Variants in TBCA observed in about 807,000 individuals in gnomAD.
TBCA encodes the protein tubulin-specific chaperone A.
In TBCA, 6 loss-of-function variants were observed where a neutral mutation model predicts 15.8. That is an observed-to-expected ratio of 0.38 (90% confidence interval 0.21 to 0.75). The LOEUF (loss-of-function observed/expected upper bound fraction) is 0.75. TBCA is among the 30% of genes least tolerant of loss of function. TBCA has a pLI of 0.46. For missense variants in TBCA, 90 were observed against 131.2 expected, an observed-to-expected ratio of 0.69 and a Z score of 1.53; for synonymous variants, 32 against 42.3, an observed-to-expected ratio of 0.76 and a Z score of 0.94.
intron 1 of TBCA, among the ~76,000 whole-genome samples, chr5:77,750,385 T>C (rs1276591917): frequency 6.6e-6 from 1 of 152,142 alleles, no homozygotes. Context: ...AGATTTCTTT[T>C]TGTGCCAGGG....
intron 1 of TBCA, among the ~76,000 whole-genome samples, chr5:77,717,527 T>A (rs1477984189): frequency 1.3e-5 from 2 of 152,352 alleles, no homozygotes; most frequent in African/African-American, 2.4e-5. Context: ...CTTAAAACAG[T>A]GTAAACTTGT....
intron 1 of TBCA, among the ~76,000 whole-genome samples, chr5:77,711,382 G>A (rs911143316): frequency 1.4e-4 from 21 of 152,042 alleles, no homozygotes; most frequent in Non-Finnish European, 1.9e-4. Flanking sequence ...ACTTAATTCT[G>A]TCCATCACCT....
intron 1 of TBCA, among the ~76,000 whole-genome samples, chr5:77,717,613 T>G (rs548404825): frequency 1.3e-5 from 2 of 152,034 alleles, no homozygotes; most frequent in Non-Finnish European, 2.9e-5. Context: ...GCGTATCACC[T>G]GAGGTCAGGA....
At position 77,776,326 on chromosome 5, in the gene TBCA, C is replaced by A. The variant is rs974730244; in HGVS notation, c.-69G>T. The A allele has an allele frequency of 1.5e-4, 231 of 1,538,858 alleles. 2 individuals are homozygous for A. Among genetic ancestry groups the A allele is most frequent in the Non-Finnish European group, 2.0e-5 (23 of 1,138,140 alleles). On this transcript the variant is annotated 5_prime_UTR_variant, in exon 1 of 4. Transcript: ENST00000380377. ...AACCGTGGAGGGCGACGCGCAGAGG[C>A]TGCGGCTATTTAGGCGTGGTCGCCG...
chr5:77,710,331 C>T (rs1415351883), intron 1 of TBCA, among the ~76,000 whole-genome samples: 1 of 151,892 alleles, frequency 6.6e-6, no homozygotes. Context: ...ATTGTTTTAG[C>T]AATAATTTTC....
chr5:77,718,817 G>A (rs550430037), intron 1 of TBCA, among the ~76,000 whole-genome samples: 1 of 152,064 alleles, frequency 6.6e-6, no homozygotes, highest in African/African-American at 2.4e-5. Context: ...TGTTCTGAAT[G>A]GAATGTCTCC....
chr5:77,720,996 AACAG>A (rs1233535231), intron 1 of TBCA, among the ~76,000 whole-genome samples: 2 of 152,224 alleles, frequency 1.3e-5, no homozygotes, highest in African/African-American at 4.8e-5. Context: ...GTTTGTCTAA[AACAG>A]ACAGATGATG....
At chr5:77,722,224 A>G (rs892408339) in intron 1 of TBCA, among the ~76,000 whole-genome samples, 2 of 152,030 alleles carry the variant, frequency 1.3e-5, no homozygotes, top group African/African-American at 4.8e-5. Context: ...ACCCCAAGTA[A>G]TAACTGTAAC....
At chr5:77,716,763 C>T (rs1746406917) in intron 1 of TBCA, among the ~76,000 whole-genome samples, 1 of 152,188 alleles carries the variant, frequency 6.6e-6, no homozygotes, top group African/African-American at 2.4e-5. Flanking sequence ...TCAATTACAG[C>T]AGGCATTGTT....
At chr5:77,726,381 C>T (rs1308359808) in intron 1 of TBCA, among the ~76,000 whole-genome samples, 2 of 152,122 alleles carry the variant, frequency 1.3e-5, no homozygotes, top group Non-Finnish European at 2.9e-5. Flanking sequence ...TCAGAACATG[C>T]CATCACTGTG....
intron 1 of TBCA, among the ~76,000 whole-genome samples, chr5:77,727,042 T>A (rs374043431): frequency 1.3e-5 from 2 of 152,098 alleles, no homozygotes; most frequent in African/African-American, 4.8e-5. Context: ...TAACAATGTA[T>A]CCCTCTTGAA....
At chr5:77,713,894 CAAGTA>C (rs1314936012) in intron 1 of TBCA, among the ~76,000 whole-genome samples, 58 of 137,728 alleles carry the variant, frequency 4.2e-4, no homozygotes, top group Non-Finnish European at 6.0e-4. Context: ...AGAAACAAAG[CAAGTA>C]AAGATTTTTT....
chr5:77,750,964 G>C (rs759255265), intron 1 of TBCA, among the ~76,000 whole-genome samples: 2 of 152,106 alleles, frequency 1.3e-5, no homozygotes, highest in Admixed American at 6.5e-5. Context: ...GTAGAAAGGA[G>C]TGTCTGGGTT....
At chr5:77,752,684 G>T (rs530893861) in intron 1 of TBCA, among the ~76,000 whole-genome samples, 1 of 114,702 alleles carries the variant, frequency 8.7e-6, no homozygotes, top group Non-Finnish European at 1.9e-5. Context: ...TCAGCCTCCC[G>T]AGTAGCTGGG....
At chr5:77,775,981 G>A (rs1011214163) in intron 1 of TBCA, among the ~76,000 whole-genome samples, 1 of 152,220 alleles carries the variant, frequency 6.6e-6, no homozygotes, top group African/African-American at 2.4e-5. Context: ...AATCAGAGCG[G>A]CCAGTGAGCG....
chr5:77,703,260 A>C (rs1346262257), intron 2 of TBCA, among the ~76,000 whole-genome samples: 1 of 151,440 alleles, frequency 6.6e-6, no homozygotes, highest in Non-Finnish European at 1.5e-5. Context: ...CTAAGAGATA[A>C]GTTGTGCCTC....
intron 3 of TBCA, chr5:77,692,784 C>T: frequency 9.8e-7 from 1 of 1,019,638 alleles, no homozygotes; most frequent in Non-Finnish European, 1.2e-6. Flanking sequence ...TTATTCAGCT[C>T]CAAGTTAGTA....
intron 1 of TBCA, among the ~76,000 whole-genome samples, chr5:77,717,848 G>C (rs1382275117): frequency 2.3e-5 from 3 of 130,480 alleles, no homozygotes; most frequent in African/African-American, 8.8e-5. Flanking sequence ...AAAAAAAAAA[G>C]GCCGGGGGCA....
chr5:77,755,353 C>T (rs1747448651), intron 1 of TBCA, among the ~76,000 whole-genome samples: 1 of 152,026 alleles, frequency 6.6e-6, no homozygotes, highest in Non-Finnish European at 1.5e-5. Context: ...CCAAGGTGAG[C>T]AGATCATGAG....
Sources: allele counts gnomAD v4.1 joint callset (sites outside exome capture counted in the v4.1 genomes callset), GRCh38; gene constraint gnomAD v4.1.1; transcripts MANE v1.5; gene names NCBI Gene and HGNC (gene_info 2026-07-23, HGNC 2026-07-21).